The following TP63 variants were observed in gnomAD, a reference collection of about 807,000 sequenced individuals.
TP63 encodes tumor protein p63.
Under a neutral mutation model 82.8 loss-of-function variants are expected in TP63, and 17 were observed. The observed-to-expected ratio is 0.21, with a 90% CI of 0.14 to 0.31. TP63 has a LOEUF of 0.31. Among genes scored for constraint, TP63 ranks in the 10% least tolerant of loss-of-function variants. The pLI is 1.00. For missense variants in TP63, 648 were observed against 895.3 expected, an observed-to-expected ratio of 0.72 and a Z score of 3.52; for synonymous variants, 330 against 321.7, an observed-to-expected ratio of 1.03 and a Z score of -0.28.
chr3:189,682,594 A>ATC (rs1553811547), intron 1 of TP63, among the ~76,000 whole-genome samples: 5 of 139,592 alleles, frequency 3.6e-5, no homozygotes, highest in African/African-American at 1.1e-4. Context: ...ATATATATAT[A>ATC]TCCTATTCAC....
intron 3 of TP63, among the ~76,000 whole-genome samples, chr3:189,793,360 G>T (rs573329177): frequency 2.6e-5 from 4 of 152,204 alleles, no homozygotes; most frequent in African/African-American, 9.6e-5. Context: ...ATCAATGGAT[G>T]TCTACATTTT....
At chr3:189,804,246 C>A (rs1726635936) in intron 3 of TP63, among the ~76,000 whole-genome samples, 1 of 152,154 alleles carries the variant, frequency 6.6e-6, no homozygotes, top group South Asian at 2.1e-4. Flanking sequence ...GAATTATTGG[C>A]TGTAAATAAG....
chr3:189,691,848 A>C (rs2378514), intron 1 of TP63, among the ~76,000 whole-genome samples: 3 of 151,992 alleles, frequency 2.0e-5, no homozygotes, highest in Non-Finnish European at 4.4e-5. Flanking sequence ...AAAAAAACTA[A>C]GTGACTAATA....
At chr3:189,776,394 G>T (rs1448041753) in intron 3 of TP63, among the ~76,000 whole-genome samples, 3 of 152,218 alleles carry the variant, frequency 2.0e-5, no homozygotes, top group African/African-American at 7.2e-5. Flanking sequence ...GAAGAGAAAG[G>T]GGCACTATCT....
At chr3:189,694,892 A>C (rs974532583) in intron 1 of TP63, among the ~76,000 whole-genome samples, 1 of 128,700 alleles carries the variant, frequency 7.8e-6, no homozygotes, top group East Asian at 2.6e-4. Context: ...TGCAACCTCC[A>C]ACTCCTGGTT....
upstream of TP63, among the ~76,000 whole-genome samples, chr3:189,629,333 A>G (rs1459476018): frequency 6.6e-6 from 1 of 152,166 alleles, no homozygotes; most frequent in Non-Finnish European, 1.5e-5. Context: ...GCAGTGATCC[A>G]TGAACGCGCT....
intron 1 of TP63, among the ~76,000 whole-genome samples, chr3:189,723,470 A>G (rs1419210136): frequency 6.6e-6 from 1 of 152,214 alleles, no homozygotes; most frequent in Admixed American, 6.5e-5. Context: ...AAACAATCAA[A>G]TGATAGCTAT....
intron 1 of TP63, among the ~76,000 whole-genome samples, chr3:189,707,898 G>A (rs756560945): frequency 1.4e-4 from 21 of 152,006 alleles, no homozygotes; most frequent in African/African-American, 4.6e-4. Context: ...CTATTTATGT[G>A]GCATTGTACA....
At chr3:189,764,064 A>G (rs900193640) in intron 3 of TP63, among the ~76,000 whole-genome samples, 1 of 152,212 alleles carries the variant, frequency 6.6e-6, no homozygotes. Flanking sequence ...GTCCCTGTGC[A>G]TGCATATGAC....
chr3:189,726,210 G>A (rs748481718), intron 1 of TP63, among the ~76,000 whole-genome samples: 56 of 152,122 alleles, frequency 3.7e-4, no homozygotes, highest in Admixed American at 3.1e-3. Flanking sequence ...TGGGTGGGCC[G>A]ATCGTCTTAT....
chr3:189,844,547 G>A (rs1385829132), intron 4 of TP63: 2 of 157,808 alleles, frequency 1.3e-5, no homozygotes, highest in Non-Finnish European at 2.8e-5. Flanking sequence ...CTCCTGAAAT[G>A]CTGGGATTAC....
chr3:189,599,637 G>C, the TP63 span, among the ~76,000 whole-genome samples: 2 of 152,154 alleles, frequency 1.3e-5, no homozygotes. Context: ...TCTTCTATGA[G>C]CAGTTGTCAG....
intron 1 of TP63, among the ~76,000 whole-genome samples, chr3:189,656,175 G>A (rs903313199): frequency 3.3e-5 from 5 of 152,152 alleles, no homozygotes; most frequent in African/African-American, 1.2e-4. Flanking sequence ...AATGATTAAA[G>A]TGTATAGCAG....
Position 189,800,661 on chromosome 3 carries a change from A to G in TP63, c.325-7611A>G, listed in dbSNP as rs1726203873. ...GTTCGACATCCAGGCTCTTCTCACT[A>G]CCTTGGGCGAGTTACTTAACCTTGT... On this transcript the variant is annotated intron_variant, in intron 3 of 13. Transcript: ENST00000264731. Among the ~76,000 whole-genome samples the G allele has an allele frequency of 2.0e-5, 3 of 151,944 alleles. No individual in the cohort carries two copies. In the South Asian group the frequency reaches 6.2e-4, roughly 32 times the overall value.
chr3:189,867,595 T>C (rs1717889227), intron 6 of TP63, among the ~76,000 whole-genome samples: 1 of 152,160 alleles, frequency 6.6e-6, no homozygotes, highest in Non-Finnish European at 1.5e-5. Context: ...GGATCAAAGA[T>C]CACAAAATGT....
chr3:189,671,038 C>T (rs1407936438), intron 1 of TP63, among the ~76,000 whole-genome samples: 1 of 151,898 alleles, frequency 6.6e-6, no homozygotes, highest in Admixed American at 6.6e-5. Flanking sequence ...ATGAGAATAT[C>T]TCAAACTAAA....
At chr3:189,860,764 G>A (rs16864857) in intron 4 of TP63, among the ~76,000 whole-genome samples, 3,520 of 152,288 alleles carry the variant, frequency 0.023, 132 homozygotes, top group African/African-American at 0.08. Flanking sequence ...CTGGCATGAC[G>A]TGGAGAGCAG....
At chr3:189,619,845 AAGTCCACGTACTTCAGGAAGCC>A in the TP63 span, among the ~76,000 whole-genome samples, 2 of 152,126 alleles carry the variant, frequency 1.3e-5, no homozygotes, top group Admixed American at 1.3e-4. Flanking sequence ...AAACTGTCCA[AAGTCCACGTACTTCAGGAAGCC>A]ATCCTATTTG....
intron 1 of TP63, among the ~76,000 whole-genome samples, chr3:189,675,308 A>G (rs1715292790): frequency 6.6e-6 from 1 of 152,122 alleles, no homozygotes; most frequent in Non-Finnish European, 1.5e-5. Context: ...TACAAACATT[A>G]AGATCATAGC....
Sources: gnomAD v4.1 joint callset for allele counts (sites outside exome capture counted in the v4.1 genomes callset) on GRCh38, gnomAD v4.1.1 for gene constraint, MANE v1.5 for transcripts, NCBI Gene and HGNC (gene_info 2026-07-23, HGNC 2026-07-21) for gene names.